Variants in GRIN2B observed in about 807,000 individuals in gnomAD.
GRIN2B encodes glutamate receptor ionotropic, NMDA 2B.
In GRIN2B, 5 loss-of-function variants were observed where a neutral mutation model predicts 114.5. That is an observed-to-expected ratio of 0.04 (90% CI 0.02 to 0.09). GRIN2B has a LOEUF of 0.09. GRIN2B is among the 10% of genes least tolerant of loss of function. The pLI is 1.00. For missense variants in GRIN2B, 1,108 were observed against 1,943.5 expected (o/e 0.57, Z 8.08); for synonymous variants, 787 against 745.1 (o/e 1.06, Z -0.92).
chr12:13,724,325 T>G (rs1314769196), intron 4 of GRIN2B, among the ~76,000 whole-genome samples: 1 of 152,064 alleles, frequency 6.6e-6, no homozygotes, highest in East Asian at 1.9e-4. Context: ...GCCCGGCCAA[T>G]TACAGGTTTG....
intron 2 of GRIN2B, among the ~76,000 whole-genome samples, chr12:13,881,746 C>G (rs192816616): frequency 1.3e-5 from 2 of 152,256 alleles, no homozygotes; most frequent in Admixed American, 1.3e-4. Flanking sequence ...CTGGCTTCTC[C>G]TCTCATTCTA....
chr12:13,599,621 T>C (rs954621344), intron 10 of GRIN2B, among the ~76,000 whole-genome samples: 6 of 152,196 alleles, frequency 3.9e-5, no homozygotes, highest in Non-Finnish European at 7.3e-5. Context: ...TACTAAAACA[T>C]TGATAATTTT....
intron 4 of GRIN2B, among the ~76,000 whole-genome samples, chr12:13,713,034 T>C (rs1055094610): frequency 1.3e-5 from 2 of 151,878 alleles, no homozygotes; most frequent in African/African-American, 4.8e-5. Context: ...CCTCCTTCAA[T>C]ATGCTTACCA....
At chr12:13,567,784 A>G (rs560654977) in intron 12 of GRIN2B, among the ~76,000 whole-genome samples, 1 of 152,130 alleles carries the variant, frequency 6.6e-6, no homozygotes, top group African/African-American at 2.4e-5. Flanking sequence ...AAGTAAAGGC[A>G]TGCAGAACAG....
intron 10 of GRIN2B, among the ~76,000 whole-genome samples, chr12:13,578,641 A>G (rs549862767): frequency 2.6e-4 from 39 of 152,238 alleles, no homozygotes; most frequent in South Asian, 6.2e-4. Context: ...GTAAAATATA[A>G]TAAAATATTC....
intron 4 of GRIN2B, among the ~76,000 whole-genome samples, chr12:13,715,043 G>A (rs141974935): frequency 6.6e-6 from 1 of 151,840 alleles, no homozygotes; most frequent in Non-Finnish European, 1.5e-5. Context: ...GCGCATTGCT[G>A]GAGTATTATG....
intron 5 of GRIN2B, among the ~76,000 whole-genome samples, chr12:13,643,755 C>T (rs145608432): frequency 0.014 from 2,068 of 152,216 alleles, 27 homozygotes; most frequent in South Asian, 0.066. Flanking sequence ...TTCGTTATTT[C>T]GACAATGTTA....
intron 2 of GRIN2B, among the ~76,000 whole-genome samples, chr12:13,918,702 C>G (rs1413599490): frequency 1.3e-5 from 2 of 152,216 alleles, no homozygotes; most frequent in Admixed American, 1.3e-4. Context: ...TATTTGCTTC[C>G]TCTCCTAAAA....
At chr12:13,695,075 A>T (rs1950248654) in intron 4 of GRIN2B, among the ~76,000 whole-genome samples, 1 of 152,114 alleles carries the variant, frequency 6.6e-6, no homozygotes, top group Non-Finnish European at 1.5e-5. Flanking sequence ...CTGCAAAGGG[A>T]TCTCTAAGCT....
Position 13,551,055 on chromosome 12 carries a change from C to G in GRIN2B, c.*11728G>C, listed in dbSNP as rs77583213. On this transcript the variant is annotated 3_prime_UTR_variant, in exon 14 of 14. Coordinates refer to ENST00000609686, the MANE Select transcript of GRIN2B (RefSeq NM_000834.5). ...GTTTTTCTCAGTAAGAGTTCCACCT[C>G]CACCTAGATGCTTCACTATCCTCCT... 1 of 77,928 alleles carries G rather than the reference C, an allele frequency of 1.3e-5. No homozygotes were observed. Among genetic ancestry groups the G allele is most frequent in the African/African-American group, 3.7e-5 (1 of 27,214 alleles). The allele number at this position is 77,928 out of a possible 1,614,324, so 4.8% of individuals were successfully genotyped here.
At chr12:13,953,332 G>T (rs1297200013) in intron 2 of GRIN2B, among the ~76,000 whole-genome samples, 1 of 152,086 alleles carries the variant, frequency 6.6e-6, no homozygotes, top group Admixed American at 6.5e-5. Context: ...CAAGGGGAGG[G>T]GGCTGGACCC....
intron 3 of GRIN2B, among the ~76,000 whole-genome samples, chr12:13,858,515 T>C (rs1022376335): frequency 1.3e-5 from 2 of 152,194 alleles, no homozygotes; most frequent in African/African-American, 2.4e-5. Flanking sequence ...ACTCTTTGTA[T>C]AGAACTCATA....
chr12:13,786,464 T>C (rs1864223035), intron 3 of GRIN2B, among the ~76,000 whole-genome samples: 1 of 152,186 alleles, frequency 6.6e-6, no homozygotes, highest in South Asian at 2.1e-4. Flanking sequence ...GCCACATAGC[T>C]GAACTTATTT....
At chr12:13,982,025 C>T (rs1176165399), upstream of GRIN2B, 2 of 151,852 alleles carry the variant, frequency 1.3e-5, no homozygotes, top group East Asian at 3.9e-4. Flanking sequence ...TCCACACCCC[C>T]CACCCCACCC....
chr12:13,910,118 A>G (rs1866605458), intron 2 of GRIN2B, among the ~76,000 whole-genome samples: 1 of 152,178 alleles, frequency 6.6e-6, no homozygotes, highest in African/African-American at 2.4e-5. Context: ...TGGTTATTTC[A>G]TTACTGACAA....
chr12:13,662,576 C>T (rs185227619), intron 5 of GRIN2B, among the ~76,000 whole-genome samples: 13 of 152,174 alleles, frequency 8.5e-5, no homozygotes, highest in African/African-American at 2.9e-4. Flanking sequence ...GTTGTCTGGC[C>T]CCACTCACCA....
intron 3 of GRIN2B, among the ~76,000 whole-genome samples, chr12:13,864,831 T>C (rs375665499): frequency 9.2e-5 from 14 of 152,312 alleles, no homozygotes; most frequent in African/African-American, 3.4e-4. Flanking sequence ...TAGAATCACC[T>C]GGGGAGCTTT....
Position 13,753,190 on chromosome 12 carries a change from C to T in GRIN2B, c.1010+127G>A. On this transcript the variant is annotated intron_variant, in intron 4 of 13. Transcript: ENST00000609686. The surrounding 1 kb of genome is among the most constrained non-coding windows in gnomAD (Gnocchi z 6.2). ...CCCCCAATCATGACCAATTGCCATG[C>T]CCAAGGCCAGGCTTCAACCTGCTAC... 1 of 778,886 alleles carries T rather than the reference C, an allele frequency of 1.3e-6. No homozygotes were observed. The highest frequency in any genetic ancestry group is 2.3e-6 in the Non-Finnish European group (1 of 429,028). 48.2% of individuals were successfully genotyped at this position (778,886 alleles called of 1,614,324 possible).
At chr12:13,907,830 A>G (rs1239516932) in intron 2 of GRIN2B, among the ~76,000 whole-genome samples, 1 of 152,140 alleles carries the variant, frequency 6.6e-6, no homozygotes, top group Non-Finnish European at 1.5e-5. Context: ...GACATGGCAA[A>G]TTACAGATTT....
Sources: allele counts gnomAD v4.1 joint callset (sites outside exome capture counted in the v4.1 genomes callset), GRCh38; gene constraint gnomAD v4.1.1; non-coding constraint Gnocchi (gnomAD v3.1); transcripts MANE v1.5; gene names NCBI Gene and HGNC (gene_info 2026-07-23, HGNC 2026-07-21).